OTOF: variants seen among roughly 807,000 people sequenced by gnomAD.
OTOF encodes fer-1-like family member 2.
Under a neutral mutation model 236.8 loss-of-function variants are expected in OTOF, and 218 were observed. The observed-to-expected ratio is 0.92, with a 90% CI of 0.82 to 1.03. OTOF has a LOEUF of 1.03. Among genes scored for constraint, OTOF ranks in the 50% least tolerant of loss-of-function variants. OTOF has a pLI of 0.00. For synonymous variants in OTOF, 1,041 were observed against 1,072.5 expected, an observed-to-expected ratio of 0.97 and a Z score of 0.57; for missense variants, 2,590 against 2,694.4, an observed-to-expected ratio of 0.96 and a Z score of 0.86.
intron 5 of OTOF, among the ~76,000 whole-genome samples, chr2:26,505,387 C>T (rs924226365): frequency 2.0e-5 from 3 of 151,340 alleles, no homozygotes; most frequent in Admixed American, 1.3e-4. Flanking sequence ...CAAAAGCTTC[C>T]TCCCTTCTGA....
At chr2:26,471,514 G>A (rs898786146) in intron 30 of OTOF, among the ~76,000 whole-genome samples, 1 of 152,178 alleles carries the variant, frequency 6.6e-6, no homozygotes, top group Non-Finnish European at 1.5e-5. Context: ...GAGGAATAAG[G>A]AGCTTCCACC....
intron 2 of OTOF, among the ~76,000 whole-genome samples, 194 bp from the exon 3 acceptor site, chr2:26,528,114 G>GT (rs1436391602): frequency 6.6e-6 from 1 of 152,176 alleles, no homozygotes; most frequent in Non-Finnish European, 1.5e-5. Flanking sequence ...AGCCGGCATT[G>GT]TTGCCCACTC....
chr2:26,474,123 G>T lies in OTOF; in HGVS notation c.3289-13C>A, dbSNP rs758827989. On this transcript the variant is annotated splice_polypyrimidine_tract_variant and intron_variant, in intron 26 of 46. Coordinates refer to ENST00000272371, the MANE Select transcript of OTOF (RefSeq NM_194248.3). ...CTGCTGGTCCAATCTGGGGAATGGGGGTCACAGGTCACACACTGGGGAGCC... is the reference window on the plus strand; with the variant it reads ...CTGCTGGTCCAATCTGGGGAATGGGTGTCACAGGTCACACACTGGGGAGCC... 1.2e-6 allele frequency: 2 copies of T among 1,612,688 alleles called. No homozygotes were observed. Among genetic ancestry groups the T allele is most frequent in the Non-Finnish European group, 1.7e-6 (2 of 1,179,784 alleles).
chr2:26,527,896 T>C lies in OTOF; in HGVS notation c.163A>G (p.Ser55Gly), dbSNP rs749507265. ...TCCAGCATCTCATTTCTGTCGATGC[T>C]GCTGGCCACCGGCCACCGAAATGTC... Reference protein sequence around the residue: ...DETFRWPVASSIDRNEMLEIQ... With the variant: ...DETFRWPVASGIDRNEMLEIQ... Residue 55 changes from serine (S) to glycine (G), a missense_variant, in exon 3 of 47, where the codon AGC becomes GGC. Physicochemically the swap from Ser to Gly is moderately conservative, Grantham distance 56. Transcript: ENST00000272371. 1.2e-6 allele frequency: 2 copies of C among 1,614,110 alleles called. No homozygotes were observed. The highest frequency in any genetic ancestry group is 1.1e-5 in the South Asian group (1 of 91,086).
chr2:26,531,481 G>T (rs1367071635), intron 2 of OTOF, among the ~76,000 whole-genome samples: 2 of 152,190 alleles, frequency 1.3e-5, no homozygotes, highest in African/African-American at 4.8e-5. Flanking sequence ...CAGCACGGCA[G>T]AATGTGTTTA....
intron 12 of OTOF, 118 bp from the exon 13 acceptor site, chr2:26,483,766 G>T (rs1431953655): frequency 1.1e-6 from 1 of 902,994 alleles, no homozygotes; most frequent in Non-Finnish European, 1.7e-6. Context: ...AGGGAGCAAG[G>T]CTAGGATTAG....
chr2:26,510,645 G>A (rs1666361928), intron 5 of OTOF: 2 of 1,120,794 alleles, frequency 1.8e-6, no homozygotes, highest in African/African-American at 1.6e-5. Context: ...CAGCCTGTGG[G>A]GAGGAGGCCT....
chr2:26,545,978 C>T (rs1667320585), intron 1 of OTOF, among the ~76,000 whole-genome samples: 1 of 152,172 alleles, frequency 6.6e-6, no homozygotes, highest in African/African-American at 2.4e-5. Context: ...ACCAGCCCCT[C>T]ATATAGTTGA....
intron 11 of OTOF, among the ~76,000 whole-genome samples, chr2:26,485,151 C>G (rs960929819): frequency 6.6e-6 from 1 of 152,244 alleles, no homozygotes; most frequent in Non-Finnish European, 1.5e-5. Flanking sequence ...CCTTGCTGAA[C>G]AGGTGTTGCG....
At chr2:26,468,317 G>A (rs1664827573) in intron 33 of OTOF, 91 bp downstream of exon 33, 6 of 954,894 alleles carry the variant, frequency 6.3e-6, no homozygotes, top group East Asian at 2.4e-5. Flanking sequence ...GCTGGCAGGA[G>A]GGAAAAGAGA....
rs761420437 is a variant in OTOF at position 26,460,890 on chromosome 2, G to T, written c.5674C>A (p.Leu1892Ile). 3 of 1,614,184 alleles carry T rather than the reference G, an allele frequency of 1.9e-6. No individual in the cohort carries two copies. The South Asian group carries it at 3.3e-5, about 18-fold the overall frequency. Residue 1892 changes from leucine (L) to isoleucine (I), a missense_variant, in exon 44 of 47, where the codon CTC becomes ATC. By Grantham distance (5) the Leu-to-Ile change is conservative. This residue lies in a region of OTOF where 1,211 missense variants were observed against 1,352.8 expected (regional missense o/e 0.90). Coordinates refer to ENST00000272371, the MANE Select transcript of OTOF (RefSeq NM_194248.3). The surrounding 1 kb of genome is among the most constrained non-coding windows in gnomAD (Gnocchi z 5.3). ...KQKRVKGWWP[L>I]LARNENDEFE... ...TCATCGTTCTCATTGCGGGCCAGGA[G>T]GGGCCACCAGCCTTTGACGCGCTTT...
intron 1 of OTOF, among the ~76,000 whole-genome samples, chr2:26,557,443 G>C (rs368667724): frequency 1.3e-5 from 2 of 152,230 alleles, no homozygotes; most frequent in African/African-American, 4.8e-5. Flanking sequence ...AGTCAGCCTG[G>C]CCCTGCCTTT....
In OTOF at chr2:26,470,391, A is replaced by C. The variant is rs1664917462; in HGVS notation, c.4023+202T>G. 6.6e-6 allele frequency among the ~76,000 whole-genome samples: 1 copy of C among 152,088 alleles called. No individual in the cohort carries two copies. Among genetic ancestry groups the C allele is most frequent in the African/African-American group, 2.4e-5 (1 of 41,406 alleles). On this transcript the variant is annotated intron_variant, in intron 32 of 46. Coordinates refer to ENST00000272371, the MANE Select transcript of OTOF (RefSeq NM_194248.3). This position sits in a 1 kb window ranked among gnomAD's most constrained non-coding sequence, Gnocchi z 4.3. ...TGGAATGAGTCAATGAGGACAAAAGAAAACCAAGCAGGGAAGGTAGATGGG... is the reference window on the plus strand; with the variant it reads ...TGGAATGAGTCAATGAGGACAAAAGCAAACCAAGCAGGGAAGGTAGATGGG...
At chr2:26,546,419 C>T (rs1667334297) in intron 1 of OTOF, among the ~76,000 whole-genome samples, 1 of 151,768 alleles carries the variant, frequency 6.6e-6, no homozygotes, top group Admixed American at 6.6e-5. Flanking sequence ...TGAGATTGCT[C>T]CATTGCACTC....
intron 2 of OTOF, among the ~76,000 whole-genome samples, chr2:26,529,678 T>C (rs1666893870): frequency 6.6e-6 from 1 of 151,998 alleles, no homozygotes; most frequent in South Asian, 2.1e-4. Flanking sequence ...CTGCCCAGTG[T>C]GGGCAGGGCC....
At chr2:26,532,761 C>T (rs1382699587) in intron 2 of OTOF, among the ~76,000 whole-genome samples, 2 of 152,068 alleles carry the variant, frequency 1.3e-5, no homozygotes, top group South Asian at 2.1e-4. Context: ...TGGTGCTGGC[C>T]GGGGCACAGG....
At chr2:26,528,548 C>T (rs1423503367) in intron 2 of OTOF, among the ~76,000 whole-genome samples, 1 of 152,236 alleles carries the variant, frequency 6.6e-6, no homozygotes, top group Non-Finnish European at 1.5e-5. Flanking sequence ...TTCACCCTTA[C>T]CACTTCTTCG....
intron 26 of OTOF, among the ~76,000 whole-genome samples, 175 bp from the exon 27 acceptor site, chr2:26,474,285 C>T (rs1042874210): frequency 6.9e-6 from 1 of 144,528 alleles, no homozygotes; most frequent in African/African-American, 2.6e-5. Flanking sequence ...CAGGCCCCAG[C>T]TCCAGGCCCC....
Position 26,479,256 on chromosome 2 carries a change from G to C in OTOF, c.2214+8C>G. 6.2e-7 allele frequency: 1 copy of C among 1,612,256 alleles called. No homozygotes were observed. Among genetic ancestry groups the C allele is most frequent in the East Asian group, 2.2e-5 (1 of 44,868 alleles). ...CCCACCCCTGCTGGCCCCTGGCCTG[G>C]CCCTGACCAGCTTGTCGGCAATGTG... On this transcript the variant is annotated splice_region_variant and intron_variant, in intron 18 of 46. Transcript: ENST00000272371.
Sources: gnomAD v4.1 joint callset for allele counts (sites outside exome capture counted in the v4.1 genomes callset) on GRCh38, gnomAD v4.1.1 for gene constraint, gnomAD v4.1.1 regional missense constraint, Gnocchi (gnomAD v3.1) non-coding constraint, MANE v1.5 for transcripts, NCBI Gene and HGNC (gene_info 2026-07-23, HGNC 2026-07-21) for gene names.